SHANK2: variants seen among roughly 807,000 people sequenced by gnomAD.
The protein encoded by SHANK2 is SH3 and multiple ankyrin repeat domains protein 2.
Under a neutral mutation model 133.7 loss-of-function variants are expected in SHANK2, and 43 were observed. The ratio of observed to expected loss-of-function variants is 0.32; its 90% CI spans 0.25 to 0.41. The LOEUF (loss-of-function observed/expected upper bound fraction) is 0.41. SHANK2 is among the 10% of genes least tolerant of loss of function. The pLI, the probability that SHANK2 is intolerant of heterozygous loss-of-function variation, is 1.00. For synonymous variants in SHANK2, 1,017 were observed against 952.8 expected (o/e 1.07, Z -1.24); for missense variants, 1,994 against 2,235.8 (o/e 0.89, Z 2.18).
In SHANK2 at chr11:71,188,932, G is replaced by A. The variant is rs183944924; in HGVS notation, c.-13+35765C>T. Among the ~76,000 whole-genome samples the A allele has an allele frequency of 3.2e-3, 481 of 152,266 alleles. 6 individuals carry two copies. Among genetic ancestry groups the A allele is most frequent in the African/African-American group, 0.01 (434 of 41,546 alleles). ...GGGGTTCTCTCAATACAGCAGGAGC[G>A]GGCCCCAGCTCCACGGCCCCCCACT... is the stretch of plus-strand genomic sequence containing the variant. On this transcript the variant is annotated intron_variant, in intron 2 of 25. Transcript: ENST00000601538. The surrounding 1 kb of genome is among the most constrained non-coding windows in gnomAD (Gnocchi z 4.6).
intron 17 of SHANK2, among the ~76,000 whole-genome samples, chr11:70,585,294 G>T (rs1390289038): frequency 1.3e-5 from 2 of 152,236 alleles, no homozygotes; most frequent in African/African-American, 4.8e-5. Flanking sequence ...AGTAGAGCCA[G>T]CTGGATGGGC....
rs782691957 is a variant in SHANK2, at chr11:70,807,564, T to TCA, written c.1494-395_1494-394dup. Among the ~76,000 whole-genome samples, 11 of 152,048 alleles carry TCA rather than the reference T, an allele frequency of 7.2e-5. No homozygotes were observed. The highest frequency in any genetic ancestry group is 2.6e-4 in the Admixed American group (4 of 15,270). ...AAACTCTGGGCCAGGCGTGGTGGGA[T>TCA]CACATCTGTAATCCCAGCACTTTGG... On this transcript the variant is annotated intron_variant, in intron 12 of 25. Coordinates refer to ENST00000601538, the MANE Select transcript of SHANK2 (RefSeq NM_012309.5). This position sits in a 1 kb window ranked among gnomAD's most constrained non-coding sequence, Gnocchi z 4.8.
At chr11:71,248,731 C>T (rs1555125379) in intron 1 of SHANK2, among the ~76,000 whole-genome samples, 1 of 152,150 alleles carries the variant, frequency 6.6e-6, no homozygotes. Flanking sequence ...GGTCATTCTG[C>T]CAAAGGCCCA....
At chr11:70,895,962 C>T (rs1489499632) in intron 11 of SHANK2, among the ~76,000 whole-genome samples, 3 of 152,060 alleles carry the variant, frequency 2.0e-5, no homozygotes, top group African/African-American at 7.2e-5. Flanking sequence ...TCAACACCCC[C>T]CTGGAGTGGG....
chr11:70,667,868 C>T (rs1240970253), intron 15 of SHANK2: 1 of 147,176 alleles, frequency 6.8e-6, no homozygotes, highest in Admixed American at 6.7e-5. Context: ...TGGCTTTACT[C>T]ATAGCTCTCA....
chr11:70,521,605 AG>A (rs2059330986), intron 17 of SHANK2, among the ~76,000 whole-genome samples: 1 of 152,234 alleles, frequency 6.6e-6, no homozygotes, highest in Non-Finnish European at 1.5e-5. Flanking sequence ...TCCATTAAAA[AG>A]GAGAAATGAG....
chr11:70,831,265 G>A lies in SHANK2; in HGVS notation c.1175-10583C>T, dbSNP rs182948582. ...CGCCCACCCATCTCAAAACGCAGGC[G>A]AGCACCTTTTGAGTCTGTTTGTTGT... is the stretch of plus-strand genomic sequence containing the variant. On this transcript the variant is annotated intron_variant, in intron 11 of 25. Coordinates refer to ENST00000601538, the MANE Select transcript of SHANK2 (RefSeq NM_012309.5). 7.9e-3 allele frequency among the ~76,000 whole-genome samples: 1,198 copies of A among 152,176 alleles called. 17 individuals are homozygous for A. The highest frequency in any genetic ancestry group is 0.027 in the African/African-American group (1,105 of 41,492).
chr11:70,714,281 G>A (rs1251082984), intron 14 of SHANK2, among the ~76,000 whole-genome samples: 1 of 152,216 alleles, frequency 6.6e-6, no homozygotes, highest in Non-Finnish European at 1.5e-5. Context: ...CCAGATCACC[G>A]TGGCGCAGCT....
chr11:71,172,955 T>A (rs1555112513), intron 2 of SHANK2, among the ~76,000 whole-genome samples: 2 of 152,224 alleles, frequency 1.3e-5, no homozygotes, highest in African/African-American at 4.8e-5. Context: ...GTGGGCTGCA[T>A]TTCAAAGTGC....
intron 2 of SHANK2, among the ~76,000 whole-genome samples, chr11:71,163,093 A>AAAACATATATAT: frequency 1.2e-5 from 1 of 84,678 alleles, no homozygotes; most frequent in African/African-American, 4.6e-5. Flanking sequence ...AAAAAAAAAA[A>AAAACATATATAT]ATACATATAT....
At chr11:70,917,077 C>T (rs1001010304) in intron 10 of SHANK2, among the ~76,000 whole-genome samples, 1 of 152,042 alleles carries the variant, frequency 6.6e-6, no homozygotes, top group African/African-American at 2.4e-5. Context: ...TGAGCTGCTT[C>T]GAAGGAAGAC....
intron 15 of SHANK2, among the ~76,000 whole-genome samples, chr11:70,676,679 G>A (rs1429287360): frequency 6.6e-6 from 1 of 152,208 alleles, no homozygotes; most frequent in Non-Finnish European, 1.5e-5. Flanking sequence ...GGGCAGGGTA[G>A]TTATTAATTA....
chr11:70,747,358 C>G (rs905109762), intron 14 of SHANK2, among the ~76,000 whole-genome samples: 2 of 152,126 alleles, frequency 1.3e-5, no homozygotes, highest in African/African-American at 4.8e-5. Context: ...GCTGGCTACC[C>G]GGAGAACACA....
rs1216736346 is a variant in SHANK2 at position 71,061,971 on chromosome 11, CTTTTTTTTT to C, written c.1030-5422_1030-5414del. Among the ~76,000 whole-genome samples, 9 of 109,554 alleles carry C rather than the reference CTTTTTTTTT, an allele frequency of 8.2e-5. No individual in the cohort carries two copies. The East Asian group carries it at 2.4e-3, about 29-fold the overall frequency. The allele number at this position is 109,554 out of a possible 152,430, so 71.9% of individuals were successfully genotyped here. On this transcript the variant is annotated intron_variant, in intron 9 of 25. Transcript: ENST00000601538. Reference sequence around the variant, plus strand: ...TTCCAACTCCAAAAAGTCTTTCTTTCTTTTTTTTTTTTTTTTTTTTTTCTTGAGACAGGG... The same window carrying C: ...TTCCAACTCCAAAAAGTCTTTCTTTCTTTTTTTTTTTTTCTTGAGACAGGG...
At chr11:70,502,129 C>G in intron 19 of SHANK2, 77 bp downstream of exon 19, 4 of 1,472,496 alleles carry the variant, frequency 2.7e-6, no homozygotes, top group East Asian at 2.5e-5. Flanking sequence ...GGGTCATGCA[C>G]AGCCTGGTGC....
chr11:71,074,956 T>C (rs1170476351), intron 9 of SHANK2, among the ~76,000 whole-genome samples: 1 of 151,962 alleles, frequency 6.6e-6, no homozygotes, highest in Admixed American at 6.6e-5. Context: ...ATTTTTTGTA[T>C]TTTTAGTAGA....
chr11:70,498,297 G>A (rs1439165932), intron 21 of SHANK2, among the ~76,000 whole-genome samples: 5 of 152,268 alleles, frequency 3.3e-5, no homozygotes, highest in East Asian at 3.8e-4. Flanking sequence ...GACAGAAGCC[G>A]CGTGTGTTAG....
chr11:71,102,712 G>C (rs912922602), intron 6 of SHANK2, among the ~76,000 whole-genome samples: 2 of 152,184 alleles, frequency 1.3e-5, no homozygotes, highest in Non-Finnish European at 2.9e-5. Flanking sequence ...CAGCCAGGCC[G>C]GCTCATGCCA....
At chr11:71,184,591 T>C (rs1555114223) in intron 2 of SHANK2, among the ~76,000 whole-genome samples, 1 of 152,168 alleles carries the variant, frequency 6.6e-6, no homozygotes, top group African/African-American at 2.4e-5. Flanking sequence ...CGGGCAGGAC[T>C]CAGGGCCCTT....
Sources: allele counts gnomAD v4.1 joint callset (sites outside exome capture counted in the v4.1 genomes callset), GRCh38; gene constraint gnomAD v4.1.1; non-coding constraint Gnocchi (gnomAD v3.1); transcripts MANE v1.5; gene names NCBI Gene and HGNC (gene_info 2026-07-23, HGNC 2026-07-21).